EPHA10: variants seen among roughly 807,000 people sequenced by gnomAD.
EPHA10 encodes the protein ephrin type-A receptor 10.
A neutral mutation model predicts 109.7 loss-of-function variants in EPHA10; 120 were observed. The ratio of observed to expected loss-of-function variants is 1.09; its 90% confidence interval spans 0.94 to 1.27. EPHA10 has a LOEUF of 1.27. Ranked by LOEUF, EPHA10 falls within the 50% of genes most tolerant of loss-of-function variation. The pLI is 0.00. For synonymous variants in EPHA10, 640 were observed against 618.9 expected (o/e 1.03, Z -0.51); for missense variants, 1,396 against 1,411.1 (o/e 0.99, Z 0.17).
At chr1:37,752,802 G>A (rs1646348300) in intron 5 of EPHA10, 74 bp downstream of exon 5, 3 of 1,101,034 alleles carry the variant, frequency 2.7e-6, no homozygotes, top group East Asian at 3.4e-5. Flanking sequence ...CCGCAGGACC[G>A]ACGGGGCGGC....
chr1:37,754,934 A>G lies in EPHA10; in HGVS notation c.851-564T>C, dbSNP rs1281502589. ...TGCCTCAGCCTCCTGAGTAGCTGGG[A>G]TTACAAGTGTGCACCACCATGCCCA... is the stretch of plus-strand genomic sequence containing the variant. On this transcript the variant is annotated intron_variant, in intron 3 of 16. Transcript: ENST00000373048. The surrounding 1 kb of genome is among the most constrained non-coding windows in gnomAD (Gnocchi z 4.5). Among the ~76,000 whole-genome samples the G allele has an allele frequency of 1.3e-5, 2 of 151,956 alleles. No homozygotes were observed. Among genetic ancestry groups the G allele is most frequent in the Non-Finnish European group, 2.9e-5 (2 of 67,972 alleles).
At chr1:37,715,128 C>T (rs541224404), downstream of EPHA10, 3 of 152,382 alleles carry the variant, frequency 2.0e-5, no homozygotes, top group African/African-American at 7.2e-5. Flanking sequence ...CTCCTGGGTT[C>T]AAGTGATTCT....
intron 7 of EPHA10, among the ~76,000 whole-genome samples, chr1:37,728,451 G>T (rs1645930078): frequency 6.6e-6 from 1 of 152,160 alleles, no homozygotes; most frequent in Non-Finnish European, 1.5e-5. Flanking sequence ...ATTAGGAATG[G>T]GAAAAGTACT....
rs760101016 is a variant in EPHA10 at position 37,723,046 on chromosome 1, C to A, written c.1955G>T (p.Gly652Val). 4 of 1,614,012 alleles carry A rather than the reference C, an allele frequency of 2.5e-6. No homozygotes were observed. Among genetic ancestry groups the A allele is most frequent in the Non-Finnish European group, 1.7e-6 (2 of 1,180,038 alleles). ...TTCCTGGGCGCCCAGCTTGCCTCCT[C>A]CAAGGCTCCTCTCCAGCGTGACGCT... ...AKSVTLERSL[G>V]GGRFGELCCG... Residue 652 changes from glycine (G) to valine (V), a missense_variant, in exon 10 of 17, where the codon GGA becomes GTA. By Grantham distance (109) the Gly-to-Val change is moderately radical. Transcript: ENST00000373048.
At chr1:37,753,656 G>A (rs1403533896) in intron 4 of EPHA10, among the ~76,000 whole-genome samples, 1 of 25,894 alleles carries the variant, frequency 3.9e-5, no homozygotes, top group Admixed American at 6.4e-4. Flanking sequence ...GCGGGAGCAG[G>A]GGCGAGCGGG....
intron 15 of EPHA10, chr1:37,719,151 G>A (rs901447604): frequency 1.2e-5 from 7 of 595,582 alleles, no homozygotes; most frequent in African/African-American, 3.7e-5. Flanking sequence ...AAATGTGTTA[G>A]GGCTATTACC....
Position 37,731,530 on chromosome 1 carries a change from G to A in EPHA10, c.1544C>T (p.Thr515Ile). ...SMVKTGAPTV[T>I]VTNLKPATRY... ...GGTAGCCGGCTTCAGGTTGGTGACG[G>A]TGACTGTGGGCGCCCCTGTCTTCAC... The change falls in exon 7 of 17, where the codon ACC becomes ATC. Residue 515 changes from threonine to isoleucine, a missense_variant. Physicochemically the swap from Thr to Ile is moderately conservative, Grantham distance 89. Coordinates refer to ENST00000373048, the MANE Select transcript of EPHA10 (RefSeq NM_001099439.2). The A allele has an allele frequency of 6.2e-7, 1 of 1,614,096 alleles. No individual in the cohort carries two copies. The highest frequency in any genetic ancestry group is 8.5e-7 in the Non-Finnish European group (1 of 1,179,992).
intron 5 of EPHA10, among the ~76,000 whole-genome samples, chr1:37,745,714 G>C (rs1646230477): frequency 6.6e-6 from 1 of 152,190 alleles, no homozygotes; most frequent in Non-Finnish European, 1.5e-5. Flanking sequence ...GCCAGGCGTG[G>C]TGGCACGCAC....
intron 6 of EPHA10, among the ~76,000 whole-genome samples, chr1:37,732,216 C>A (rs1000700732): frequency 6.6e-6 from 1 of 152,192 alleles, no homozygotes; most frequent in African/African-American, 2.4e-5. Flanking sequence ...GTGAGCCTCA[C>A]AACAGCCCTG....
At chr1:37,761,218 C>G in intron 3 of EPHA10, 187 bp downstream of exon 3, 1 of 1,482,352 alleles carries the variant, frequency 6.7e-7, no homozygotes, top group Non-Finnish European at 8.9e-7. Context: ...AGTAAGTTCA[C>G]TCATTGGCCC....
chr1:37,739,462 G>C (rs1236767881), intron 5 of EPHA10, among the ~76,000 whole-genome samples: 1 of 152,192 alleles, frequency 6.6e-6, no homozygotes, highest in Non-Finnish European at 1.5e-5. Flanking sequence ...GCCAAGGCCA[G>C]TAGATCACTT....
rs1306815112 is a variant in EPHA10, at chr1:37,721,895, GAGCTGGGCAGGCTGA to G, written c.1961-65_1961-51del. Reference sequence around the variant, plus strand: ...ACCGCCAGAGGCCACTGCCCTGGCTGAGCTGGGCAGGCTGAGCCGAGGAGAAAGTGACTCTGACCA... The same window carrying G: ...ACCGCCAGAGGCCACTGCCCTGGCTGGCCGAGGAGAAAGTGACTCTGACCA... On this transcript the variant is annotated intron_variant, in intron 10 of 16. Transcript: ENST00000373048. 3.5e-6 allele frequency: 5 copies of G among 1,448,532 alleles called. No homozygotes were observed. The African/African-American group carries it at 7.3e-5, about 21-fold the overall frequency. 89.7% of individuals were successfully genotyped at this position (1,448,532 alleles called of 1,614,324 possible). A position where few individuals can be genotyped will look rare whatever the true frequency, so the allele number is the denominator to read the frequency against.
chr1:37,739,796 T>C (rs1310756410), intron 5 of EPHA10, among the ~76,000 whole-genome samples: 1 of 150,176 alleles, frequency 6.7e-6, no homozygotes, highest in Non-Finnish European at 1.5e-5. Flanking sequence ...CTTTGCAAGA[T>C]GAAAAAGTTC....
In EPHA10 at chr1:37,764,749, C is replaced by T. The variant is rs988857629; in HGVS notation, c.106+212G>A. ...CTGGCCTCTTTCTTTCCCAACCTCC[C>T]GGGTCTCCAGCCCCCAAGCTCCTCA... is the stretch of plus-strand genomic sequence containing the variant. On this transcript the variant is annotated intron_variant, in intron 1 of 16. Transcript: ENST00000373048. This position sits in a 1 kb window ranked among gnomAD's most constrained non-coding sequence, Gnocchi z 5.8. Among the ~76,000 whole-genome samples the T allele has an allele frequency of 6.7e-4, 102 of 152,148 alleles. No homozygotes were observed. The highest frequency in any genetic ancestry group is 2.3e-3 in the African/African-American group (97 of 41,512).
intron 10 of EPHA10, chr1:37,722,769 G>A: frequency 1.7e-6 from 1 of 577,792 alleles, no homozygotes; most frequent in Non-Finnish European, 3.3e-6. Context: ...GAAGGCCTGG[G>A]ACTAAACTGC....
chr1:37,734,896 T>G (rs1646043807), intron 6 of EPHA10, among the ~76,000 whole-genome samples: 1 of 152,196 alleles, frequency 6.6e-6, no homozygotes, highest in African/African-American at 2.4e-5. Flanking sequence ...TTTGTAAAAT[T>G]AGAAATGATA....
rs1337449138 is a variant in EPHA10 at position 37,720,714 on chromosome 1, G to A, written c.2208+69C>T. 2.1e-5 allele frequency: 33 copies of A among 1,587,768 alleles called. No individual in the cohort carries two copies. In the Admixed American group the frequency reaches 5.1e-4, roughly 24 times the overall value. ...GATGCCAATTCCAAGCCCTACCAAA[G>A]AGAAAAGTGAGGGACCCCTGCCCGC... On this transcript the variant is annotated intron_variant, in intron 12 of 16. Transcript: ENST00000373048.
chr1:37,727,711 C>T (rs1285192962), intron 7 of EPHA10, among the ~76,000 whole-genome samples: 1 of 152,240 alleles, frequency 6.6e-6, no homozygotes, highest in African/African-American at 2.4e-5. Flanking sequence ...CTTCATCTTA[C>T]AGCTGAGGAA....
At chr1:37,757,994 C>T (rs1279156674) in intron 3 of EPHA10, among the ~76,000 whole-genome samples, 1 of 152,190 alleles carries the variant, frequency 6.6e-6, no homozygotes, top group African/African-American at 2.4e-5. Flanking sequence ...AAGGCCAGCC[C>T]CTCTGTCTCC....
Sources: gnomAD v4.1 joint callset for allele counts (sites outside exome capture counted in the v4.1 genomes callset) on GRCh38, gnomAD v4.1.1 for gene constraint, Gnocchi (gnomAD v3.1) non-coding constraint, MANE v1.5 for transcripts, NCBI Gene and HGNC (gene_info 2026-07-23, HGNC 2026-07-21) for gene names.